ITIH4: variants seen among roughly 807,000 people sequenced by gnomAD.
ITIH4 encodes inter-alpha-trypsin inhibitor heavy chain 4.
Under a neutral mutation model 111.8 loss-of-function variants are expected in ITIH4, and 79 were observed. The ratio of observed to expected loss-of-function variants is 0.71; its 90% CI spans 0.59 to 0.85. ITIH4 has a LOEUF of 0.85. Among genes scored for constraint, ITIH4 ranks in the 40% least tolerant of loss-of-function variants. The pLI is 0.00. For missense variants in ITIH4, 1,065 were observed against 1,195.8 expected (o/e 0.89, Z 1.61); for synonymous variants, 472 against 468.3 (o/e 1.01, Z -0.10).
rs746827018 is a variant in ITIH4, at chr3:52,814,318, G to A, written c.2517C>T (p.Asp839=). 7 of 1,613,952 alleles carry A rather than the reference G, an allele frequency of 4.3e-6. No individual in the cohort carries two copies. Among genetic ancestry groups the A allele is most frequent in the Non-Finnish European group, 4.2e-6 (5 of 1,180,024 alleles). ...ACAGGCCGATGGTCACTTTGTCTGG[G>A]TCACTGAGCAGCAGGAGACCCGTCT... ...MDKTGLLLLS[D]PDKVTIGLLF... The change falls in exon 22 of 24, where the codon GAC becomes GAT. Residue 839 remains aspartate, a synonymous_variant. Coordinates refer to ENST00000266041, the MANE Select transcript of ITIH4 (RefSeq NM_002218.5).
At chr3:52,817,598 C>G (rs1328705987) in intron 20 of ITIH4, among the ~76,000 whole-genome samples, 2 of 152,086 alleles carry the variant, frequency 1.3e-5, no homozygotes, top group African/African-American at 2.4e-5. Context: ...AGGGCCCAGC[C>G]AGCACCCCTG....
intron 6 of ITIH4, among the ~76,000 whole-genome samples, chr3:52,825,614 C>G (rs2535633): frequency 0.48 from 72,822 of 151,930 alleles, 18,644 homozygotes; most frequent in African/African-American, 0.66. Context: ...TACTGCAAAT[C>G]TGCATAAAAC....
At chr3:52,825,706 T>C (rs1324022648) in intron 6 of ITIH4, among the ~76,000 whole-genome samples, 180 bp downstream of exon 6, 1 of 152,242 alleles carries the variant, frequency 6.6e-6, no homozygotes, top group Admixed American at 6.5e-5. Context: ...CTTTTCTGCC[T>C]GGGAAAGGGA....
Position 52,830,624 on chromosome 3 carries a change from C to A in ITIH4, c.19G>T (p.Val7Phe), listed in dbSNP as rs1384618812. The A allele has an allele frequency of 6.2e-7, 1 of 1,613,166 alleles. No individual in the cohort carries two copies. The highest frequency in any genetic ancestry group is 1.1e-5 in the South Asian group (1 of 90,924). MKPPRPVRTCSKVLVLL... is the reference protein window; with the variant it reads MKPPRPFRTCSKVLVLL... ...ACGAGAACTTTGCTGCAGGTACGGA[C>A]AGGCCTTGGGGGCTTCATCGTGGCT... The change falls in exon 1 of 24, where the codon GTC becomes TTC. Residue 7 changes from valine to phenylalanine, a missense_variant. Coordinates refer to ENST00000266041, the MANE Select transcript of ITIH4 (RefSeq NM_002218.5).
chr3:52,819,746 C>G lies in ITIH4; in HGVS notation c.1951+8G>C. 1 of 1,613,994 alleles carries G rather than the reference C, an allele frequency of 6.2e-7. No homozygotes were observed. Among genetic ancestry groups the G allele is most frequent in the East Asian group, 2.2e-5 (1 of 44,856 alleles). ...CATGCCTCCCCCTGGCAGAAACCCT[C>G]AAACTACCTTGTCTATTCCATCCTC... On this transcript the variant is annotated splice_region_variant and intron_variant, in intron 16 of 23. Transcript: ENST00000266041.
chr3:52,830,342 T>C (rs529342599), intron 1 of ITIH4: 331 of 657,156 alleles, frequency 5.0e-4, no homozygotes, highest in Non-Finnish European at 7.9e-4. Flanking sequence ...ATTTGGAAAA[T>C]GGAAATGATT....
At chr3:52,820,087 G>C in intron 14 of ITIH4, 97 bp from the exon 15 acceptor site, 1 of 1,383,370 alleles carries the variant, frequency 7.2e-7, no homozygotes, top group Non-Finnish European at 1.0e-6. Flanking sequence ...GACAGGGCCT[G>C]AGGCACAGCC....
chr3:52,814,018 T>C lies in ITIH4; in HGVS notation c.2680A>G (p.Arg894Gly). The change falls in exon 23 of 24, where the codon AGA becomes GGA. Residue 894 changes from arginine (R) to glycine (G), a missense_variant. By Grantham distance (125) the Arg-to-Gly change is moderately radical. Coordinates refer to ENST00000266041, the MANE Select transcript of ITIH4 (RefSeq NM_002218.5). ...WGSPAASDDG[R>G]RTLRVQGNDH... ...TTGCCCTGAACCCTCAGCGTGCGTC[T>C]GCCGTCATCTGATGCTGCTGGAGAT... 6.2e-7 allele frequency: 1 copy of C among 1,613,902 alleles called. No homozygotes were observed. Among genetic ancestry groups the C allele is most frequent in the South Asian group, 1.1e-5 (1 of 91,052 alleles).
Position 52,820,838 on chromosome 3 carries a change from T to C in ITIH4, c.1680-53A>G, listed in dbSNP as rs2154111369. The C allele has an allele frequency of 3.8e-6, 6 of 1,568,506 alleles. No individual in the cohort carries two copies. In the Middle Eastern group the frequency reaches 5.1e-4, roughly 135 times the overall value. On this transcript the variant is annotated intron_variant, in intron 12 of 23. Transcript: ENST00000266041. ...GAGATCCTTGAATTCGGGAACAGATTTTCCATCCAGCCCCTTCTGGGGAGG... is the reference window on the plus strand; with the variant it reads ...GAGATCCTTGAATTCGGGAACAGATCTTCCATCCAGCCCCTTCTGGGGAGG...
At chr3:52,818,676 T>C in intron 17 of ITIH4, 140 bp from the exon 18 acceptor site, 1 of 696,122 alleles carries the variant, frequency 1.4e-6, no homozygotes. Flanking sequence ...TCACAGGAGA[T>C]TTTCAAACAG....
chr3:52,823,992 G>C lies in ITIH4; in HGVS notation c.1184C>G (p.Pro395Arg). 6.4e-7 allele frequency: 1 copy of C among 1,569,718 alleles called. No individual in the cohort carries two copies. Among genetic ancestry groups the C allele is most frequent in the South Asian group, 1.2e-5 (1 of 82,314 alleles). Residue 395 changes from proline to arginine, a missense_variant, in exon 10 of 24, where the codon CCC becomes CGC. Coordinates refer to ENST00000266041, the MANE Select transcript of ITIH4 (RefSeq NM_002218.5). ...CCGCACGTTATTCTGGATGCTCCTG[G>C]GGTTAGTCTCCCCTGGACCCAGGGG... ...DGDPTVGETN[P>R]RSIQNNVREA...
At position 52,830,667 on chromosome 3, in the gene ITIH4, G is replaced by A. The variant is rs775354414; in HGVS notation, c.-25C>T. 26 of 1,573,284 alleles carry A rather than the reference G, an allele frequency of 1.7e-5. No individual in the cohort carries two copies. In the Admixed American group the frequency reaches 1.9e-4, roughly 12 times the overall value. On this transcript the variant is annotated 5_prime_UTR_variant, in exon 1 of 24. Transcript: ENST00000266041. ...TCGTGGCTCCAGTGTCTGCCAGGAG[G>A]CTTCTGAACTCGACAGCAAGTGGGG...
In ITIH4 at chr3:52,824,660, G is replaced by T; in HGVS notation, c.877-95C>A. 7.2e-7 allele frequency: 1 copy of T among 1,390,400 alleles called. No individual in the cohort carries two copies. 86.1% of individuals were successfully genotyped at this position (1,390,400 alleles called of 1,614,324 possible). ...ATCCTTGGACTCCTGTCTCAGGGGTGAGGTCATGGTATCTGCTCTAGGAAC... is the reference window on the plus strand; with the variant it reads ...ATCCTTGGACTCCTGTCTCAGGGGTTAGGTCATGGTATCTGCTCTAGGAAC... On this transcript the variant is annotated intron_variant, in intron 7 of 23. Coordinates refer to ENST00000266041, the MANE Select transcript of ITIH4 (RefSeq NM_002218.5). The surrounding 1 kb of genome is among the most constrained non-coding windows in gnomAD (Gnocchi z 4.3).
chr3:52,830,200 C>T (rs1700546710), intron 1 of ITIH4: 1 of 373,560 alleles, frequency 2.7e-6, no homozygotes, highest in East Asian at 6.9e-5. Context: ...TCACAACCGC[C>T]ACCCTCTGAA....
In ITIH4 at chr3:52,819,443, G is replaced by C; in HGVS notation, c.2027C>G (p.Pro676Arg). 1 of 1,614,168 alleles carries C rather than the reference G, an allele frequency of 6.2e-7. No homozygotes were observed. Among genetic ancestry groups the C allele is most frequent in the Non-Finnish European group, 8.5e-7 (1 of 1,180,002 alleles). ...GTAAGCAGCATGGTCAGGAACATCA[G>C]GAGGTCCTGGGAGTCCAAGTTGCCT... ...SSRQLGLPGP[P>R]DVPDHAAYHP... is the part of the protein sequence containing the mutation. Residue 676 changes from proline to arginine, a missense_variant, in exon 17 of 24, where the codon CCT becomes CGT. By Grantham distance (103) the Pro-to-Arg change is moderately radical (BLOSUM62 -2). Transcript: ENST00000266041.
chr3:52,821,209 A>C, intron 11 of ITIH4, 79 bp from the exon 12 acceptor site: 1 of 1,521,824 alleles, frequency 6.6e-7, no homozygotes, highest in Non-Finnish European at 8.9e-7. Flanking sequence ...GAGCTCTTCC[A>C]TGATTGGGGC....
chr3:52,819,660 TCCC>T, intron 16 of ITIH4, 91 bp downstream of exon 16: 4 of 1,572,978 alleles, frequency 2.5e-6, no homozygotes, highest in Non-Finnish European at 2.6e-6. Flanking sequence ...GGGGAGCCTC[TCCC>T]CCAACAGCTG....
Position 52,824,898 on chromosome 3 carries a change from T to A in ITIH4, c.820A>T (p.Asn274Tyr), listed in dbSNP as rs1372934279. 1 of 1,614,090 alleles carries A rather than the reference T, an allele frequency of 6.2e-7. No individual in the cohort carries two copies. Among genetic ancestry groups the A allele is most frequent in the Non-Finnish European group, 8.5e-7 (1 of 1,179,978 alleles). ...CTCTTGTCAATGACAAAGACCACATTCTTGGGCATTGTGGTTAGGCCCTCG... is the reference window on the plus strand; with the variant it reads ...CTCTTGTCAATGACAAAGACCACATACTTGGGCATTGTGGTTAGGCCCTCG... ...APEGLTTMPK[N>Y]VVFVIDKSGS... The change falls in exon 7 of 24, where the codon AAT becomes TAT. Residue 274 changes from asparagine (N) to tyrosine (Y), a missense_variant. Physicochemically the swap from Asn to Tyr is moderately radical, Grantham distance 143 (BLOSUM62 -2). Coordinates refer to ENST00000266041, the MANE Select transcript of ITIH4 (RefSeq NM_002218.5). This position sits in a 1 kb window ranked among gnomAD's most constrained non-coding sequence, Gnocchi z 4.3.
chr3:52,819,141 C>A, intron 17 of ITIH4: 1 of 484,328 alleles, frequency 2.1e-6, no homozygotes, highest in Non-Finnish European at 3.8e-6. Flanking sequence ...AGATGAGACG[C>A]TAAGGATGGG....
Sources: gnomAD v4.1 joint callset for allele counts (sites outside exome capture counted in the v4.1 genomes callset) on GRCh38, gnomAD v4.1.1 for gene constraint, Gnocchi (gnomAD v3.1) non-coding constraint, MANE v1.5 for transcripts, NCBI Gene and HGNC (gene_info 2026-07-23, HGNC 2026-07-21) for gene names.